PYGL: variants seen among roughly 807,000 people sequenced by gnomAD.
PYGL encodes the protein glycogen phosphorylase L.
PYGL carries 90 observed loss-of-function variants against 100.1 expected under a neutral mutation model. The ratio of observed to expected loss-of-function variants is 0.90; its 90% confidence interval spans 0.76 to 1.07. The LOEUF is 1.07. PYGL is among the 50% of genes least tolerant of loss of function. The pLI is 0.00. For synonymous variants in PYGL, 373 were observed against 393.0 expected, an observed-to-expected ratio of 0.95 and a Z score of 0.60; for missense variants, 1,016 against 1,057.6, an observed-to-expected ratio of 0.96 and a Z score of 0.55.
At position 50,944,218 on chromosome 14, in the gene PYGL, G is replaced by A; in HGVS notation, c.186C>T (p.Asp62=). The A allele has an allele frequency of 6.2e-7, 1 of 1,612,616 alleles. No homozygotes were observed. Among genetic ancestry groups the A allele is most frequent in the South Asian group, 1.1e-5 (1 of 91,074 alleles). ...YYFALAHTVR[D]HLVGRWIRTQ... is the part of the protein sequence containing the mutation. ...TGCGGATCCAGCGCCCCACCAGGTG[G>A]TCGCGCACCGTGTGCGCCAGCGCGA... The change falls in exon 1 of 20, where the codon GAC becomes GAT. Residue 62 remains aspartate (D), a synonymous_variant. Coordinates refer to ENST00000216392, the MANE Select transcript of PYGL (RefSeq NM_002863.5).
At chr14:50,923,523 G>C (rs1398718719) in intron 5 of PYGL, 1 of 173,708 alleles carries the variant, frequency 5.8e-6, no homozygotes, top group Non-Finnish European at 1.2e-5. Context: ...CCTGACCTCA[G>C]GTGATCTGCC....
intron 12 of PYGL, among the ~76,000 whole-genome samples, chr14:50,913,778 C>T (rs1457477844): frequency 1.3e-5 from 2 of 152,152 alleles, no homozygotes; most frequent in Non-Finnish European, 2.9e-5. Context: ...CAGCCTTGAC[C>T]TCCTGGGCTC....
In PYGL at chr14:50,912,251, A is replaced by G. The variant is rs748445812; in HGVS notation, c.1673T>C (p.Ile558Thr). 1 of 1,614,086 alleles carries G rather than the reference A, an allele frequency of 6.2e-7. No homozygotes were observed. Residue 558 changes from isoleucine to threonine, a missense_variant, in exon 14 of 20, where the codon ATC becomes ACC. Physicochemically the swap from Ile to Thr is moderately conservative, Grantham distance 89. Coordinates refer to ENST00000216392, the MANE Select transcript of PYGL (RefSeq NM_002863.5). ...QFLETEYKVK[I>T]NPSSMFDVQV... ...GACATCAAACATGGAGGATGGGTTG[A>G]TCTTCACTTTGTACTCCGTCTCCAG...
chr14:50,927,218 T>C (rs1242499191), intron 4 of PYGL, among the ~76,000 whole-genome samples: 2 of 152,074 alleles, frequency 1.3e-5, no homozygotes, highest in African/African-American at 4.8e-5. Context: ...CATTTACTCT[T>C]TTTATTTTTA....
At chr14:50,913,174 A>G in intron 12 of PYGL, 44 bp from the exon 13 acceptor site, 2 of 1,565,742 alleles carry the variant, frequency 1.3e-6, no homozygotes, top group Non-Finnish European at 1.8e-6. Flanking sequence ...GGGGATGGTA[A>G]TCAAGTCCAA....
At chr14:50,933,167 T>TC (rs1566511876) in intron 3 of PYGL, among the ~76,000 whole-genome samples, 1 of 152,196 alleles carries the variant, frequency 6.6e-6, no homozygotes, top group East Asian at 1.9e-4. Context: ...AGAGTTAACC[T>TC]AGCTAACAAA....
At chr14:50,915,167 C>T (rs1045526534) in intron 11 of PYGL, 169 bp downstream of exon 11, 32 of 901,954 alleles carry the variant, frequency 3.5e-5, no homozygotes, top group South Asian at 3.3e-4. Flanking sequence ...TCTTTTCTTT[C>T]CTTTTCTTTT....
rs752249557 is a variant in PYGL, at chr14:50,915,939, G to A, written c.1125C>T (p.Tyr375=). Residue 375 remains tyrosine (Y), a synonymous_variant, in exon 10 of 20, where the codon TAC becomes TAT. Transcript: ENST00000216392. ...AWELTQKTFA[Y]TNHTVLPEAL... ...CTTCCGGGAGCACTGTGTGGTTGGT[G>A]TAGGCGAAGGTCTTCTGGGTGAGCT... is the stretch of plus-strand genomic sequence containing the variant. 1.9e-6 allele frequency: 3 copies of A among 1,614,250 alleles called. No individual in the cohort carries two copies. Among genetic ancestry groups the A allele is most frequent in the South Asian group, 2.2e-5 (2 of 91,086 alleles).
intron 3 of PYGL, among the ~76,000 whole-genome samples, chr14:50,933,199 A>C (rs1432341010): frequency 6.6e-6 from 1 of 152,238 alleles, no homozygotes; most frequent in Non-Finnish European, 1.5e-5. Context: ...CGGGCTTCAC[A>C]TAAAAGGTAG....
At chr14:50,914,064 A>G (rs1438560453) in intron 12 of PYGL, among the ~76,000 whole-genome samples, 1 of 152,176 alleles carries the variant, frequency 6.6e-6, no homozygotes, top group Non-Finnish European at 1.5e-5. Flanking sequence ...CCAGGAACCC[A>G]GGTTCTGTTA....
rs754162674 is a variant in PYGL at position 50,915,469 on chromosome 14, C to T, written c.1270G>A (p.Asp424Asn). ...ATCAGAGACATCCTTCTCAGACGGT[C>T]CACATCTTTAGGAAACAAGGCCACA... is the stretch of plus-strand genomic sequence containing the variant. ...RIVALFPKDV[D>N]RLRRMSLIEE... The change falls in exon 11 of 20, where the codon GAC (aspartate) becomes AAC (asparagine). Residue 424 changes from aspartate to asparagine, a missense_variant. Coordinates refer to ENST00000216392, the MANE Select transcript of PYGL (RefSeq NM_002863.5). 5.0e-6 allele frequency: 8 copies of T among 1,614,070 alleles called. 1 individual carries two copies. The South Asian group carries it at 8.8e-5, about 18-fold the overall frequency.
intron 13 of PYGL, among the ~76,000 whole-genome samples, chr14:50,912,558 G>T (rs537223808): frequency 6.6e-6 from 1 of 152,240 alleles, no homozygotes; most frequent in South Asian, 2.1e-4. Flanking sequence ...GGCCAGAGTG[G>T]TCTTGAATGC....
Position 50,917,088 on chromosome 14 carries a change from C to T in PYGL, c.873G>A (p.Glu291=). 1 of 1,614,020 alleles carries T rather than the reference C, an allele frequency of 6.2e-7. No individual in the cohort carries two copies. Residue 291 remains glutamate, a synonymous_variant, in exon 8 of 20, where the codon GAG becomes GAA. Coordinates refer to ENST00000216392, the MANE Select transcript of PYGL (RefSeq NM_002863.5). ...CAAAGTATTCCTGCTTCAATCTTAG[C>T]TCCTTCCCTTCAAAAAACTTCAAGC... ...YPNDNFFEGK[E]LRLKQEYFVV...
chr14:50,935,793 T>C (rs534097554), intron 2 of PYGL, among the ~76,000 whole-genome samples: 89 of 152,346 alleles, frequency 5.8e-4, no homozygotes, highest in African/African-American at 2.0e-3. Context: ...GGGTCAAAAG[T>C]TGTCAACTCA....
chr14:50,916,962 C>T lies in PYGL; in HGVS notation c.999G>A (p.Gln333=), dbSNP rs772987192. The T allele has an allele frequency of 6.2e-7, 1 of 1,614,162 alleles. No individual in the cohort carries two copies. The highest frequency in any genetic ancestry group is 8.5e-7 in the Non-Finnish European group (1 of 1,179,994). ...CTGCATCCACAGACTAAATACTTGC[C>T]TGATCCGGGAAGGCATCAAACACAG... is the stretch of plus-strand genomic sequence containing the variant. ...AGTVFDAFPD[Q]VAIQLNDTHP... is the part of the protein sequence containing the mutation. The change falls in exon 8 of 20, where the codon CAG becomes CAA. Residue 333 remains glutamine, a splice_region_variant and synonymous_variant. Transcript: ENST00000216392.
intron 4 of PYGL, 65 bp downstream of exon 4, chr14:50,931,608 A>G (rs891170192): frequency 2.8e-6 from 4 of 1,416,508 alleles, no homozygotes; most frequent in Non-Finnish European, 4.0e-6. Context: ...TATATTATAA[A>G]TCATCCAGAG....
At chr14:50,935,071 G>A (rs756717158) in intron 3 of PYGL, 36 bp downstream of exon 3, 58 of 1,559,294 alleles carry the variant, frequency 3.7e-5, no homozygotes, top group East Asian at 2.5e-4. Context: ...GTCTTCAATC[G>A]GCCAGACAAT....
chr14:50,938,799 C>T (rs1019332515), intron 1 of PYGL, among the ~76,000 whole-genome samples: 1 of 152,066 alleles, frequency 6.6e-6, no homozygotes, highest in Admixed American at 6.5e-5. Flanking sequence ...TGATCATGAA[C>T]CTCATGAATA....
At chr14:50,930,410 GA>G (rs2050592069) in intron 4 of PYGL, among the ~76,000 whole-genome samples, 1 of 152,176 alleles carries the variant, frequency 6.6e-6, no homozygotes, top group Non-Finnish European at 1.5e-5. Flanking sequence ...TCTCAAATGA[GA>G]AATTAGGACC....
Sources: allele counts gnomAD v4.1 joint callset (sites outside exome capture counted in the v4.1 genomes callset), GRCh38; gene constraint gnomAD v4.1.1; transcripts MANE v1.5; gene names NCBI Gene and HGNC (gene_info 2026-07-23, HGNC 2026-07-21).